The following ZNF578 variants were observed in gnomAD, a reference collection of about 807,000 sequenced individuals.
ZNF578 encodes the protein zinc finger protein 578, also known as Putative chemokine-related protein B42.
In ZNF578, 8 loss-of-function variants were observed where a neutral mutation model predicts 8.3. That is an observed-to-expected ratio of 0.96 (90% confidence interval 0.56 to 1.74). ZNF578 has a LOEUF of 1.74. Among genes scored for constraint, ZNF578 ranks in the 40% most tolerant of loss-of-function variants. The probability of loss-of-function intolerance (pLI) is 0.00; values close to 1 mark genes in which losing one functional copy is unlikely to be tolerated. For synonymous variants in ZNF578, 206 were observed against 232.2 expected, an observed-to-expected ratio of 0.89 and a Z score of 1.03; for missense variants, 726 against 707.5, an observed-to-expected ratio of 1.03 and a Z score of -0.30.
At chr19:52,505,215 A>C (rs1447616748) in intron 5 of ZNF578, among the ~76,000 whole-genome samples, 1 of 151,674 alleles carries the variant, frequency 6.6e-6, no homozygotes, top group Non-Finnish European at 1.5e-5. Context: ...GCATCACAGA[A>C]GCGTCTCTCA....
intron 2 of ZNF578, among the ~76,000 whole-genome samples, chr19:52,490,723 C>T (rs550469303): frequency 1.1e-4 from 17 of 151,950 alleles, no homozygotes; most frequent in Admixed American, 3.3e-4. Context: ...CTGCAATCTC[C>T]GCCTCCCAGG....
At chr19:52,476,931 G>C (rs1481869549) in intron 2 of ZNF578, among the ~76,000 whole-genome samples, 8 of 152,214 alleles carry the variant, frequency 5.3e-5, no homozygotes, top group African/African-American at 1.9e-4. Context: ...TTCCCATGTA[G>C]TTGTGCTCCC....
intron 2 of ZNF578, among the ~76,000 whole-genome samples, chr19:52,468,201 T>G (rs2059281298): frequency 1.3e-5 from 2 of 152,312 alleles, no homozygotes; most frequent in African/African-American, 2.4e-5. Flanking sequence ...AATACCATAA[T>G]CAAAAATGAC....
At chr19:52,503,972 A>C (rs1008448163) in intron 4 of ZNF578, among the ~76,000 whole-genome samples, 5 of 151,306 alleles carry the variant, frequency 3.3e-5, no homozygotes, top group African/African-American at 1.2e-4. Flanking sequence ...TAATTTTTGT[A>C]TTTTTATTAG....
chr19:52,500,603 G>A (rs917212295), intron 3 of ZNF578, among the ~76,000 whole-genome samples: 2 of 151,894 alleles, frequency 1.3e-5, no homozygotes, highest in African/African-American at 2.4e-5. Flanking sequence ...GGACGGTGTC[G>A]ACCTCTTGAC....
Position 52,474,503 on chromosome 19 carries a change from G to T in ZNF578, c.-121-16821G>T. On this transcript the variant is annotated intron_variant, in intron 2 of 5. Coordinates refer to ENST00000421239, the MANE Select transcript of ZNF578 (RefSeq NM_001099694.2). ...TTCTCTCCAGTATGAATTATCCAAT[G>T]TTCTGCAAGGTGTGAACTCTGAGTA... 3 of 307,564 alleles carry T rather than the reference G, an allele frequency of 9.8e-6. No individual in the cohort carries two copies. In the South Asian group the frequency reaches 9.9e-5, roughly 10 times the overall value. 19.1% of individuals were successfully genotyped at this position (307,564 alleles called of 1,614,324 possible).
chr19:52,498,934 C>A (rs1452437856), intron 3 of ZNF578, among the ~76,000 whole-genome samples: 1 of 152,108 alleles, frequency 6.6e-6, no homozygotes, highest in African/African-American at 2.4e-5. Context: ...TGGCCTGCCT[C>A]AACTACCCAA....
chr19:52,492,754 C>T lies in ZNF578; in HGVS notation c.-20+1329C>T, dbSNP rs1445810580. 3 of 152,332 alleles carry T rather than the reference C, an allele frequency of 2.0e-5. No individual in the cohort carries two copies. The East Asian group carries it at 5.8e-4, about 30-fold the overall frequency. The allele number at this position is 152,332 out of a possible 1,614,324, so 9.4% of individuals were successfully genotyped here. A position where few individuals can be genotyped will look rare whatever the true frequency, so the allele number is the denominator to read the frequency against. Reference sequence around the variant, plus strand: ...TCTCCGCCTCGCGCTCCGACCCTACCCCGCCCAGGACCCGCCAAACTGTTC... The same window carrying T: ...TCTCCGCCTCGCGCTCCGACCCTACTCCGCCCAGGACCCGCCAAACTGTTC... On this transcript the variant is annotated intron_variant, in intron 3 of 5. Coordinates refer to ENST00000421239, the MANE Select transcript of ZNF578 (RefSeq NM_001099694.2).
Position 52,513,659 on chromosome 19 carries a change from G to A in ZNF578, c.*1505G>A, listed in dbSNP as rs1207088666. Among the ~76,000 whole-genome samples, 2 of 151,638 alleles carry A rather than the reference G, an allele frequency of 1.3e-5. No individual in the cohort carries two copies. Among genetic ancestry groups the A allele is most frequent in the East Asian group, 3.9e-4 (2 of 5,152 alleles). On this transcript the variant is annotated 3_prime_UTR_variant, in exon 6 of 6. Coordinates refer to ENST00000421239, the MANE Select transcript of ZNF578 (RefSeq NM_001099694.2). Reference sequence around the variant, plus strand: ...GCTGGACAATGGTGTGAACCCAGGAGGCGGTGCTTGCAGGGAGCCGAGATC... The same window carrying A: ...GCTGGACAATGGTGTGAACCCAGGAAGCGGTGCTTGCAGGGAGCCGAGATC...
chr19:52,509,740 C>G, intron 5 of ZNF578, among the ~76,000 whole-genome samples: 1 of 152,066 alleles, frequency 6.6e-6, no homozygotes, highest in Non-Finnish European at 1.5e-5. Context: ...GCACTTCAAG[C>G]TGGAATGCAA....
At chr19:52,459,770 T>TATATATATATA (rs1491453615) in intron 2 of ZNF578, among the ~76,000 whole-genome samples, 2 of 7,296 alleles carry the variant, frequency 2.7e-4, no homozygotes, top group East Asian at 3.7e-3. Flanking sequence ...TATATATATA[T>TATATATATATA]TTTTTTTTTT....
Position 52,512,015 on chromosome 19 carries a change from A to G in ZNF578, c.1634A>G (p.Asp545Gly), listed in dbSNP as rs761473321. Residue 545 changes from aspartate to glycine, a missense_variant, in exon 6 of 6, where the codon GAC becomes GGC. Transcript: ENST00000421239. ...GEKPYKCKVC[D>G]KAFMCHSYLA... ...AAACCTTACAAATGTAAGGTTTGTG[A>G]CAAGGCTTTCATGTGCCATTCTTAT... is the stretch of plus-strand genomic sequence containing the variant. 12 of 1,613,780 alleles carry G rather than the reference A, an allele frequency of 7.4e-6. No homozygotes were observed. Among genetic ancestry groups the G allele is most frequent in the African/African-American group, 2.7e-5 (2 of 74,820 alleles).
At chr19:52,496,245 T>C (rs575736513) in intron 3 of ZNF578, among the ~76,000 whole-genome samples, 51 of 152,096 alleles carry the variant, frequency 3.4e-4, no homozygotes, top group Non-Finnish European at 6.5e-4. Flanking sequence ...CTTGAACTCA[T>C]GACCTCGTGA....
Position 52,485,766 on chromosome 19 carries a change from C to A in ZNF578, c.-121-5558C>A, listed in dbSNP as rs144881945. Among the ~76,000 whole-genome samples the A allele has an allele frequency of 3.5e-3, 532 of 152,254 alleles. 2 individuals carry two copies. The highest frequency in any genetic ancestry group is 5.7e-3 in the Non-Finnish European group (391 of 68,014). On this transcript the variant is annotated intron_variant, in intron 2 of 5. Transcript: ENST00000421239. ...GCTTTGTTAAGCAAATGCTTGAAGG[C>A]AGTATGCTTGTTAAAAGTCATCACC...
rs569798630 is a variant in ZNF578, at chr19:52,483,790, C to T, written c.-121-7534C>T. On this transcript the variant is annotated intron_variant, in intron 2 of 5. Transcript: ENST00000421239. ...CTTGTGACATCATAATTGCACCCTC[C>T]GACACTGTTAGTCAGTTCTTATTGC... Among the ~76,000 whole-genome samples, 31 of 152,294 alleles carry T rather than the reference C, an allele frequency of 2.0e-4. 1 individual carries two copies. In the South Asian group the frequency reaches 2.1e-3, roughly 10 times the overall value.
intron 2 of ZNF578, among the ~76,000 whole-genome samples, chr19:52,490,492 T>G (rs1295305057): frequency 6.6e-6 from 1 of 152,224 alleles, no homozygotes; most frequent in Non-Finnish European, 1.5e-5. Flanking sequence ...AATAGTTTAC[T>G]GATTAATATT....
At chr19:52,469,344 A>G (rs1397735035) in intron 2 of ZNF578, among the ~76,000 whole-genome samples, 1 of 151,760 alleles carries the variant, frequency 6.6e-6, no homozygotes, top group Non-Finnish European at 1.5e-5. Flanking sequence ...CATTTTTTGT[A>G]TGATGTGGTT....
At position 52,516,153 on chromosome 19, in the gene ZNF578, C is replaced by A. The variant is rs999394419; in HGVS notation, c.*3999C>A. ...CTGCTCTTACCCTATGTACCCTGTC[C>A]CTTTCTCCTCCTTCAGGTCTAGGCT... On this transcript the variant is annotated 3_prime_UTR_variant, in exon 6 of 6. Coordinates refer to ENST00000421239, the MANE Select transcript of ZNF578 (RefSeq NM_001099694.2). 2.0e-5 allele frequency among the ~76,000 whole-genome samples: 3 copies of A among 152,196 alleles called. No homozygotes were observed. Among genetic ancestry groups the A allele is most frequent in the Non-Finnish European group, 4.4e-5 (3 of 68,038 alleles).
At chr19:52,470,377 TG>T (rs1340909181) in intron 2 of ZNF578, among the ~76,000 whole-genome samples, 4 of 152,202 alleles carry the variant, frequency 2.6e-5, no homozygotes, top group African/African-American at 9.7e-5. Context: ...GGCATAATTA[TG>T]ACATTATTGT....
Sources: allele counts gnomAD v4.1 joint callset (sites outside exome capture counted in the v4.1 genomes callset), GRCh38; gene constraint gnomAD v4.1.1; transcripts MANE v1.5; gene names NCBI Gene and HGNC (gene_info 2026-07-23, HGNC 2026-07-21).